Variants in RUFY2 observed in about 807,000 individuals in gnomAD.
RUFY2 encodes the protein RUN and FYVE domain containing 2, also known as RUN and FYVE domain-containing protein 2.
A neutral mutation model predicts 94.4 loss-of-function variants in RUFY2; 49 were observed. The ratio of observed to expected loss-of-function variants is 0.52; its 90% CI spans 0.41 to 0.66. The LOEUF (loss-of-function observed/expected upper bound fraction) is 0.66. Ranked by LOEUF, RUFY2 falls within the 30% of genes least tolerant of loss-of-function variation. RUFY2 has a pLI of 0.00. For missense variants in RUFY2, 541 were observed against 692.8 expected (o/e 0.78, Z 2.46); for synonymous variants, 255 against 235.7 (o/e 1.08, Z -0.75).
At chr10:68,384,303 C>CGAGCGTGT in intron 8 of RUFY2, 151 bp from the exon 9 acceptor site, 1 of 1,020,020 alleles carries the variant, frequency 9.8e-7, no homozygotes, top group East Asian at 2.8e-5. Flanking sequence ...AAGGAAAACA[C>CGAGCGTGT]GCTCGTTATT....
chr10:68,382,586 C>T (rs1355553444), intron 10 of RUFY2, among the ~76,000 whole-genome samples: 1 of 150,822 alleles, frequency 6.6e-6, no homozygotes, highest in Non-Finnish European at 1.5e-5. Flanking sequence ...TGGTGGCGGG[C>T]GCCTATAGTC....
Position 68,346,076 on chromosome 10 carries a change from A to G in RUFY2, c.1608T>C (p.Val536=). 1 of 1,612,858 alleles carries G rather than the reference A, an allele frequency of 6.2e-7. No individual in the cohort carries two copies. The highest frequency in any genetic ancestry group is 8.5e-7 in the Non-Finnish European group (1 of 1,179,368). ...GTGTTGCTTCTTTGTCTTTCAGCCA[A>G]ACCAGTCCCTAGTAGGAAGAAAATA... ...KEANKALQGL[V]WLKDKEATHC... Residue 536 remains valine, a synonymous_variant, in exon 17 of 18, where the codon GTT becomes GTC. Transcript: ENST00000602465.
At chr10:68,368,572 T>A (rs938818494) in intron 13 of RUFY2, among the ~76,000 whole-genome samples, 10 of 151,940 alleles carry the variant, frequency 6.6e-5, no homozygotes, top group Non-Finnish European at 1.0e-4. Flanking sequence ...GGCAGGAGAA[T>A]CGCTTGAACC....
chr10:68,342,036 A>T, downstream of RUFY2: 4 of 1,613,696 alleles, frequency 2.5e-6, no homozygotes, highest in Non-Finnish European at 3.4e-6. Flanking sequence ...GTGGAGGTGG[A>T]TGGCGTGGGA....
rs1564860341 is a variant in RUFY2 at position 68,404,750 on chromosome 10, G to A, written c.99C>T (p.Gly33=). ...GGGGATAGTCAGAATCCAAAGTGCG[G>A]CCAAAGCTCAGAGCAGATTCAATGA... ...KGLIESALSF[G]RTLDSDYPPL... The change falls in exon 2 of 18, where the codon GGC becomes GGT. Residue 33 remains glycine (G), a synonymous_variant. Transcript: ENST00000602465. 1.2e-6 allele frequency: 2 copies of A among 1,613,170 alleles called. No individual in the cohort carries two copies. The highest frequency in any genetic ancestry group is 2.2e-5 in the East Asian group (1 of 44,816).
At position 68,345,711 on chromosome 10, in the gene RUFY2, C is replaced by T; in HGVS notation, c.*57G>A. Reference sequence around the variant, plus strand: ...AGAGCTGTCTGGTTACCTTTGTATACAACATCATAACATTCATTGTAGGTA... The same window carrying T: ...AGAGCTGTCTGGTTACCTTTGTATATAACATCATAACATTCATTGTAGGTA... On this transcript the variant is annotated 3_prime_UTR_variant, in exon 18 of 18. Coordinates refer to ENST00000602465, the MANE Select transcript of RUFY2 (RefSeq NM_001330103.2). The T allele has an allele frequency of 3.9e-6, 6 of 1,535,008 alleles. No homozygotes were observed. Among genetic ancestry groups the T allele is most frequent in the African/African-American group, 1.4e-5 (1 of 72,994 alleles).
intron 7 of RUFY2, among the ~76,000 whole-genome samples, chr10:68,387,199 A>C (rs1288910136): frequency 6.6e-6 from 1 of 152,112 alleles, no homozygotes; most frequent in East Asian, 1.9e-4. Context: ...TCTACTAAAA[A>C]TACAAAACTT....
chr10:68,392,508 T>G (rs527451532), intron 7 of RUFY2, among the ~76,000 whole-genome samples: 1 of 152,124 alleles, frequency 6.6e-6, no homozygotes, highest in Non-Finnish European at 1.5e-5. Flanking sequence ...CCCTTTGAAG[T>G]AGGAAAAATG....
chr10:68,402,930 C>T (rs1400008352), intron 2 of RUFY2, among the ~76,000 whole-genome samples: 1 of 141,728 alleles, frequency 7.1e-6, no homozygotes, highest in Non-Finnish European at 1.5e-5. Context: ...ACTGCACCCT[C>T]TGCCTCCCAG....
At chr10:68,356,596 G>A (rs1205107395) in intron 15 of RUFY2, among the ~76,000 whole-genome samples, 4 of 151,900 alleles carry the variant, frequency 2.6e-5, no homozygotes, top group Non-Finnish European at 5.9e-5. Context: ...TACCCAGGCT[G>A]CAGTGCAGTG....
chr10:68,381,873 G>A (rs377730625), intron 10 of RUFY2, among the ~76,000 whole-genome samples: 8 of 152,030 alleles, frequency 5.3e-5, no homozygotes, highest in East Asian at 3.9e-4. Context: ...ATTTTCAAAC[G>A]CAGTTTTTGT....
chr10:68,353,815 A>G (rs2046862900), intron 16 of RUFY2, among the ~76,000 whole-genome samples: 1 of 151,788 alleles, frequency 6.6e-6, no homozygotes, highest in African/African-American at 2.4e-5. Flanking sequence ...ATAATAAATA[A>G]AATAACATAA....
chr10:68,341,696 A>T (rs752426687), downstream of RUFY2: 1 of 1,604,008 alleles, frequency 6.2e-7, no homozygotes, highest in East Asian at 2.2e-5. Context: ...TAAAGTTTTT[A>T]AAATATGCAG....
chr10:68,374,824 TG>T (rs1318122377), intron 13 of RUFY2, among the ~76,000 whole-genome samples: 5 of 152,150 alleles, frequency 3.3e-5, no homozygotes, highest in Non-Finnish European at 5.9e-5. Flanking sequence ...GCATATTAAC[TG>T]GGGGAAAATA....
At chr10:68,377,375 TTA>T (rs2048746456) in intron 12 of RUFY2, 12 of 1,043,032 alleles carry the variant, frequency 1.2e-5, no homozygotes, top group Non-Finnish European at 1.4e-5. Context: ...AGCCACACTG[TTA>T]TATGTTATGC....
chr10:68,395,530 G>A (rs2050331361), intron 4 of RUFY2, among the ~76,000 whole-genome samples: 1 of 152,146 alleles, frequency 6.6e-6, no homozygotes, highest in African/African-American at 2.4e-5. Context: ...CAAAGTCCAT[G>A]TTCAAGTCAA....
At chr10:68,385,086 A>AC (rs1480868639) in intron 8 of RUFY2, among the ~76,000 whole-genome samples, 1 of 152,018 alleles carries the variant, frequency 6.6e-6, no homozygotes, top group African/African-American at 2.4e-5. Flanking sequence ...ACACGGTGAA[A>AC]CCCCGTCTCT....
rs755419558 is a variant in RUFY2, at chr10:68,343,808, T to TAAAAAAAAAA, written c.*1950_*1959dup. 8.6e-6 allele frequency: 1 copy of TAAAAAAAAAA among 115,682 alleles called. No individual in the cohort carries two copies. Among genetic ancestry groups the TAAAAAAAAAA allele is most frequent in the African/African-American group, 3.9e-5 (1 of 25,394 alleles). 7.2% of individuals were successfully genotyped at this position (115,682 alleles called of 1,614,324 possible). On this transcript the variant is annotated 3_prime_UTR_variant, in exon 18 of 18. Coordinates refer to ENST00000602465, the MANE Select transcript of RUFY2 (RefSeq NM_001330103.2). Reference sequence around the variant, plus strand: ...GCAAGTTGCTGTCATAAAAGCTGCCTAAAAAAAAAAAAAAAAAAAAAAAAA... The same window carrying TAAAAAAAAAA: ...GCAAGTTGCTGTCATAAAAGCTGCCTAAAAAAAAAAAAAAAAAAAAAAAAAAAAAAAAAAA...
rs756456445 is a variant in RUFY2, at chr10:68,384,169, G to A, written c.721-17C>T. 9 of 1,597,712 alleles carry A rather than the reference G, an allele frequency of 5.6e-6. No individual in the cohort carries two copies. The highest frequency in any genetic ancestry group is 2.2e-5 in the South Asian group (2 of 89,486). ...TATTGCTAACTAAAAATTAAGAAAC[G>A]GGCAAGAAAAAAGATTTTAAACACC... On this transcript the variant is annotated splice_polypyrimidine_tract_variant and intron_variant, in intron 8 of 17. Transcript: ENST00000602465.
Sources: allele counts gnomAD v4.1 joint callset (sites outside exome capture counted in the v4.1 genomes callset), GRCh38; gene constraint gnomAD v4.1.1; transcripts MANE v1.5; gene names NCBI Gene and HGNC (gene_info 2026-07-23, HGNC 2026-07-21).